Variants in DPYD observed in about 807,000 individuals in gnomAD.
DPYD encodes dihydropyrimidine dehydrogenase.
Under a neutral mutation model 116.2 loss-of-function variants are expected in DPYD, and 109 were observed. That is an observed-to-expected ratio of 0.94 (90% CI 0.80 to 1.10). The LOEUF is 1.10. DPYD is among the 50% of genes least tolerant of loss of function. DPYD has a pLI of 0.00. For synonymous variants in DPYD, 440 were observed against 432.0 expected, an observed-to-expected ratio of 1.02 and a Z score of -0.23; for missense variants, 1,302 against 1,254.5, an observed-to-expected ratio of 1.04 and a Z score of -0.57.
At chr1:97,294,183 T>A (rs998599357) in intron 18 of DPYD, among the ~76,000 whole-genome samples, 3 of 152,178 alleles carry the variant, frequency 2.0e-5, no homozygotes, top group African/African-American at 7.2e-5. Flanking sequence ...TTCCTTGGAC[T>A]CATGGTTTCT....
intron 1 of DPYD, among the ~76,000 whole-genome samples, chr1:97,902,307 C>A (rs1034036276): frequency 6.6e-6 from 1 of 151,704 alleles, no homozygotes; most frequent in Non-Finnish European, 1.5e-5. Flanking sequence ...TACAATGAGG[C>A]TCCTGAATAC....
chr1:97,460,508 G>A (rs1676956356), intron 13 of DPYD, among the ~76,000 whole-genome samples: 1 of 152,170 alleles, frequency 6.6e-6, no homozygotes, highest in Non-Finnish European at 1.5e-5. Context: ...ACGACACCCT[G>A]AAGTATGGTG....
At chr1:97,349,817 G>A (rs1670048326) in intron 16 of DPYD, among the ~76,000 whole-genome samples, 1 of 151,934 alleles carries the variant, frequency 6.6e-6, no homozygotes. Context: ...ACGTGTGCAT[G>A]TGTCTTTATA....
chr1:97,689,568 C>T (rs1660904427), intron 7 of DPYD, among the ~76,000 whole-genome samples: 1 of 152,054 alleles, frequency 6.6e-6, no homozygotes, highest in Admixed American at 6.6e-5. Context: ...AGAACTCTTA[C>T]ATCATATGCT....
chr1:97,861,106 G>T (rs1398171066), intron 2 of DPYD, among the ~76,000 whole-genome samples: 1 of 151,876 alleles, frequency 6.6e-6, no homozygotes, highest in Non-Finnish European at 1.5e-5. Context: ...ATCAATTTGA[G>T]ATCATTTCTC....
chr1:97,362,541 G>A (rs1670791216), intron 16 of DPYD, among the ~76,000 whole-genome samples: 1 of 152,090 alleles, frequency 6.6e-6, no homozygotes, highest in African/African-American at 2.4e-5. Context: ...CACACTACCT[G>A]ACTTCAAACT....
At chr1:97,145,744 T>C (rs1364980363) in intron 20 of DPYD, among the ~76,000 whole-genome samples, 1 of 35,342 alleles carries the variant, frequency 2.8e-5, no homozygotes, top group African/African-American at 1.8e-4. Flanking sequence ...ATTGTGTGGG[T>C]TTTTTTTTTT....
intron 13 of DPYD, among the ~76,000 whole-genome samples, chr1:97,479,162 T>C (rs1456526782): frequency 1.3e-5 from 2 of 152,176 alleles, no homozygotes; most frequent in Non-Finnish European, 2.9e-5. Flanking sequence ...TTCAAGAACA[T>C]TTCCTTTGTA....
At chr1:97,877,650 C>A (rs1265736316) in intron 2 of DPYD, among the ~76,000 whole-genome samples, 1 of 151,976 alleles carries the variant, frequency 6.6e-6, no homozygotes, top group African/African-American at 2.4e-5. Context: ...ATCAAAAAAG[C>A]AAGCTCATGC....
intron 21 of DPYD, among the ~76,000 whole-genome samples, chr1:97,091,774 C>T (rs184391145): frequency 2.5e-4 from 38 of 152,290 alleles, no homozygotes; most frequent in African/African-American, 8.4e-4. Flanking sequence ...TATTTTCCCT[C>T]CTGCCAATCC....
intron 8 of DPYD, among the ~76,000 whole-genome samples, chr1:97,669,140 C>T (rs1379099754): frequency 6.6e-6 from 1 of 152,172 alleles, no homozygotes; most frequent in East Asian, 1.9e-4. Flanking sequence ...TTCTTTCCAT[C>T]TGCACACCAG....
chr1:97,591,888 C>T (rs2811203), intron 10 of DPYD, among the ~76,000 whole-genome samples: 23,387 of 150,542 alleles, frequency 0.16, 2,052 homozygotes, highest in African/African-American at 0.22. Context: ...AAGACTGTAT[C>T]CCAGGAAAAA....
intron 2 of DPYD, among the ~76,000 whole-genome samples, chr1:97,839,788 T>C (rs1046816190): frequency 6.6e-6 from 1 of 152,138 alleles, no homozygotes; most frequent in Non-Finnish European, 1.5e-5. Flanking sequence ...CACCACAAGT[T>C]TGTAGTAATT....
At chr1:97,207,229 C>T (rs753880245) in intron 19 of DPYD, among the ~76,000 whole-genome samples, 23 of 152,090 alleles carry the variant, frequency 1.5e-4, no homozygotes, top group Admixed American at 2.0e-4. Flanking sequence ...TCCAATTATA[C>T]GAATATATCA....
At chr1:97,197,487 C>A (rs1330087314) in intron 19 of DPYD, among the ~76,000 whole-genome samples, 11 of 151,974 alleles carry the variant, frequency 7.2e-5, no homozygotes, top group African/African-American at 2.2e-4. Flanking sequence ...ATTGTAAAAT[C>A]CTGCTGCTAA....
intron 19 of DPYD, among the ~76,000 whole-genome samples, chr1:97,202,580 C>T (rs998303979): frequency 1.3e-5 from 2 of 152,180 alleles, no homozygotes; most frequent in Non-Finnish European, 2.9e-5. Flanking sequence ...TCAAAGGCAG[C>T]ATATGATGGG....
chr1:97,274,224 T>TA (rs1664778582), intron 18 of DPYD, among the ~76,000 whole-genome samples: 1 of 152,176 alleles, frequency 6.6e-6, no homozygotes, highest in African/African-American at 2.4e-5. Context: ...GGTTGAAATG[T>TA]AATCCCCGCT....
chr1:97,668,453 T>C (rs1397910202), intron 8 of DPYD, among the ~76,000 whole-genome samples: 1 of 152,150 alleles, frequency 6.6e-6, no homozygotes, highest in African/African-American at 2.4e-5. Flanking sequence ...TAAATGTAGC[T>C]ATTCTATTTA....
At chr1:97,776,605 A>C (rs973803248) in intron 3 of DPYD, among the ~76,000 whole-genome samples, 1 of 152,136 alleles carries the variant, frequency 6.6e-6, no homozygotes, top group African/African-American at 2.4e-5. Flanking sequence ...CTGCATGTAG[A>C]AGAAGAAGTA....
Sources: allele counts gnomAD v4.1 joint callset (sites outside exome capture counted in the v4.1 genomes callset), GRCh38; gene constraint gnomAD v4.1.1; transcripts MANE v1.5; gene names NCBI Gene and HGNC (gene_info 2026-07-23, HGNC 2026-07-21).